PCDHGB7: variants seen among roughly 807,000 people sequenced by gnomAD.
PCDHGB7 encodes the protein protocadherin gamma subfamily B, 7, also known as protocadherin gamma-B7.
In PCDHGB7, 37 loss-of-function variants were observed where a neutral mutation model predicts 61.4. That is an observed-to-expected ratio of 0.60 (90% CI 0.46 to 0.79). PCDHGB7 has a LOEUF of 0.79. Among genes scored for constraint, PCDHGB7 ranks in the 30% least tolerant of loss-of-function variants. The pLI is 0.00. For synonymous variants in PCDHGB7, 464 were observed against 503.5 expected (o/e 0.92, Z 1.05); for missense variants, 1,166 against 1,202.5 (o/e 0.97, Z 0.45).
chr5:141,418,589 C>G lies in PCDHGB7; in HGVS notation c.730C>G (p.Gln244Glu), dbSNP rs184213052. ...CAATGACAACCCCCCAGTGTTCAGC[C>G]AGGACGTGTACAGGGTTAGCCTTCG... ...DANDNPPVFSQDVYRVSLRED... is the reference protein window; with the variant it reads ...DANDNPPVFSEDVYRVSLRED... Residue 244 changes from glutamine (Q) to glutamate (E), a missense_variant, in exon 1 of 4, where the codon CAG becomes GAG. Transcript: ENST00000398594. 5.5e-4 allele frequency: 884 copies of G among 1,614,012 alleles called. 4 individuals carry two copies. Among genetic ancestry groups the G allele is most frequent in the South Asian group, 4.0e-3 (361 of 91,086 alleles).
intron 1 of PCDHGB7, chr5:141,422,231 T>A: frequency 3.2e-6 from 5 of 1,566,292 alleles, no homozygotes; most frequent in Non-Finnish European, 4.3e-6. Context: ...ACGACGATGT[T>A]GATCACTGTT....
Position 141,485,950 on chromosome 5 carries a change from G to A in PCDHGB7, c.2416-8857G>A. ...TGTTGGAGAGCGCACCAGCGGGCAT[G>A]GTGCTCATCCAGCTCAATGCCTCAG... On this transcript the variant is annotated intron_variant, in intron 1 of 3. Transcript: ENST00000398594. The surrounding 1 kb of genome is among the most constrained non-coding windows in gnomAD (Gnocchi z 5.7). 6.2e-7 allele frequency: 1 copy of A among 1,614,184 alleles called. No individual in the cohort carries two copies. The highest frequency in any genetic ancestry group is 8.5e-7 in the Non-Finnish European group (1 of 1,180,030).
rs2099606506 is a variant in PCDHGB7 at position 141,485,072 on chromosome 5, G to A, written c.2416-9735G>A. ...CCGGCCGAACCGCGCCAGAGCTGGC[G>A]CGGGGAAAGGGAGATAGGTGTCTCC... On this transcript the variant is annotated intron_variant, in intron 1 of 3. Transcript: ENST00000398594. This position sits in a 1 kb window ranked among gnomAD's most constrained non-coding sequence, Gnocchi z 5.7. 2 of 916,892 alleles carry A rather than the reference G, an allele frequency of 2.2e-6. No homozygotes were observed. The highest frequency in any genetic ancestry group is 3.4e-6 in the Non-Finnish European group (2 of 587,886). The allele number at this position is 916,892 out of a possible 1,614,324, so 56.8% of individuals were successfully genotyped here.
At position 141,490,632 on chromosome 5, in the gene PCDHGB7, A is replaced by C; in HGVS notation, c.2416-4175A>C. Reference sequence around the variant, plus strand: ...AGCAGCTTTACACTGCTTACATCCTAGAAAACCGGCCTCCGGGCTCCCTTC... The same window carrying C: ...AGCAGCTTTACACTGCTTACATCCTCGAAAACCGGCCTCCGGGCTCCCTTC... On this transcript the variant is annotated intron_variant, in intron 1 of 3. Transcript: ENST00000398594. This position sits in a 1 kb window ranked among gnomAD's most constrained non-coding sequence, Gnocchi z 5.4. The C allele has an allele frequency of 1.2e-6, 2 of 1,614,196 alleles. No individual in the cohort carries two copies. Among genetic ancestry groups the C allele is most frequent in the South Asian group, 1.1e-5 (1 of 91,088 alleles).
rs549557253 is a variant in PCDHGB7 at position 141,503,310 on chromosome 5, T to C, written c.2475-2083T>C. 2.6e-5 allele frequency among the ~76,000 whole-genome samples: 4 copies of C among 152,176 alleles called. No homozygotes were observed. The East Asian group carries it at 7.7e-4, about 29-fold the overall frequency. On this transcript the variant is annotated intron_variant, in intron 2 of 3. Coordinates refer to ENST00000398594, the MANE Select transcript of PCDHGB7 (RefSeq NM_018927.4). ...TACATAGAAATTGCTCAAGAAAGAA[T>C]TGTTGGAGGGGCGCGGTGGCTCACG...
chr5:141,477,867 C>CGGT lies in PCDHGB7; in HGVS notation c.2416-16940_2416-16939insGGT. On this transcript the variant is annotated intron_variant, in intron 1 of 3. Transcript: ENST00000398594. This position sits in a 1 kb window ranked among gnomAD's most constrained non-coding sequence, Gnocchi z 4.9. ...TCGGTGGAGATGCTGCCTCGAGGTA[C>CGGT]CTCAGCTGGCCACCTAGTGTCACGG... 6.2e-7 allele frequency: 1 copy of CGGT among 1,613,614 alleles called. No homozygotes were observed. Among genetic ancestry groups the CGGT allele is most frequent in the Non-Finnish European group, 8.5e-7 (1 of 1,179,854 alleles).
intron 1 of PCDHGB7, among the ~76,000 whole-genome samples, chr5:141,494,341 G>C (rs565090556): frequency 9.2e-5 from 14 of 152,352 alleles, no homozygotes; most frequent in Admixed American, 9.1e-4. Context: ...ACCAAGAACA[G>C]CAGCCATCTT....
chr5:141,477,629 C>T lies in PCDHGB7; in HGVS notation c.2416-17178C>T, dbSNP rs1191573380. 6.2e-7 allele frequency: 1 copy of T among 1,614,158 alleles called. No homozygotes were observed. Reference sequence around the variant, plus strand: ...CTTGGAGCAAGGAGCTGAAACCGGGCTAGTGGGTCGCTATTTCACAATAAA... The same window carrying T: ...CTTGGAGCAAGGAGCTGAAACCGGGTTAGTGGGTCGCTATTTCACAATAAA... On this transcript the variant is annotated intron_variant, in intron 1 of 3. Coordinates refer to ENST00000398594, the MANE Select transcript of PCDHGB7 (RefSeq NM_018927.4). The surrounding 1 kb of genome is among the most constrained non-coding windows in gnomAD (Gnocchi z 4.9).
chr5:141,452,710 G>GAAGT (rs1343622540), intron 1 of PCDHGB7, among the ~76,000 whole-genome samples: 1 of 151,996 alleles, frequency 6.6e-6, no homozygotes, highest in Non-Finnish European at 1.5e-5. Flanking sequence ...AGAAAGGAAG[G>GAAGT]AATGAGGGAG....
At position 141,505,451 on chromosome 5, in the gene PCDHGB7, C is replaced by T. The variant is rs1350424069; in HGVS notation, c.2533C>T (p.Leu845=). Residue 845 remains leucine (L), a synonymous_variant, in exon 3 of 4, where the codon CTG becomes TTG. Transcript: ENST00000398594. The part of the protein sequence containing the change: ...WPNNQFDTEM[L]QAMILASASE... ...CAACAACCAGTTTGACACAGAGATG[C>T]TGCAAGCCATGATCTTGGCGTCCGC... The T allele has an allele frequency of 1.2e-6, 2 of 1,614,222 alleles. No individual in the cohort carries two copies. The highest frequency in any genetic ancestry group is 1.7e-6 in the Non-Finnish European group (2 of 1,180,048).
At chr5:141,427,777 C>A in intron 1 of PCDHGB7, 1 of 1,432,382 alleles carries the variant, frequency 7.0e-7, no homozygotes, top group Non-Finnish European at 9.7e-7. Flanking sequence ...GAGCTGCGGG[C>A]ACTGTCGTCC....
intron 1 of PCDHGB7, among the ~76,000 whole-genome samples, chr5:141,488,417 C>T (rs2099675171): frequency 6.6e-6 from 1 of 152,224 alleles, no homozygotes; most frequent in Non-Finnish European, 1.5e-5. Context: ...GCCAAGCCAT[C>T]CATGCTTGGC....
At chr5:141,463,460 T>TTC (rs573961569) in intron 1 of PCDHGB7, among the ~76,000 whole-genome samples, 28 of 136,126 alleles carry the variant, frequency 2.1e-4, no homozygotes, top group Admixed American at 4.4e-4. Context: ...TTTTTTTTTT[T>TTC]TTTTTTGAGA....
chr5:141,431,016 C>T lies in PCDHGB7; in HGVS notation c.2415+10742C>T, dbSNP rs755015257. Reference sequence around the variant, plus strand: ...AATCCGCGCAGCGGCAGCTTGGTCACGGCGGGCAGGATAGACCGGGAGGAG... The same window carrying T: ...AATCCGCGCAGCGGCAGCTTGGTCATGGCGGGCAGGATAGACCGGGAGGAG... On this transcript the variant is annotated intron_variant, in intron 1 of 3. Transcript: ENST00000398594. This position sits in a 1 kb window ranked among gnomAD's most constrained non-coding sequence, Gnocchi z 4.8. 3 of 1,613,456 alleles carry T rather than the reference C, an allele frequency of 1.9e-6. No individual in the cohort carries two copies. The highest frequency in any genetic ancestry group is 2.2e-5 in the South Asian group (2 of 91,058).
Position 141,419,939 on chromosome 5 carries a change from G to GTGGCCT in PCDHGB7, c.2089_2094dup (p.Ala697_Leu698dup), listed in dbSNP as rs780963377. On this transcript the variant is annotated inframe_insertion, in exon 1 of 4. Transcript: ENST00000398594. ...GGCTGAGATGCAGTTTTACCTGGTG[G>GTGGCCT]TGGCCTTGGCCTTGATTTCTGTGCT... The GTGGCCT allele has an allele frequency of 1.9e-6, 3 of 1,614,054 alleles. No individual in the cohort carries two copies. Among genetic ancestry groups the GTGGCCT allele is most frequent in the Admixed American group, 1.7e-5 (1 of 60,034 alleles).
intron 1 of PCDHGB7, among the ~76,000 whole-genome samples, chr5:141,461,001 A>G (rs1309762345): frequency 4.0e-5 from 6 of 150,320 alleles, no homozygotes; most frequent in South Asian, 4.2e-4. Context: ...ATATATGTGT[A>G]TATATATATA....
Position 141,476,702 on chromosome 5 carries a change from C to CTGG in PCDHGB7, c.2416-18102_2416-18100dup, listed in dbSNP as rs1562056101. On this transcript the variant is annotated intron_variant, in intron 1 of 3. Coordinates refer to ENST00000398594, the MANE Select transcript of PCDHGB7 (RefSeq NM_018927.4). This position sits in a 1 kb window ranked among gnomAD's most constrained non-coding sequence, Gnocchi z 7.6. ...GGAGGACAGCACCAAGTACGCGGAG[C>CTGG]TGGTGTTGGAGCGCGCCCTGGACCG... 5 of 1,614,222 alleles carry CTGG rather than the reference C, an allele frequency of 3.1e-6. No homozygotes were observed. The highest frequency in any genetic ancestry group is 4.2e-6 in the Non-Finnish European group (5 of 1,180,042).
At position 141,487,636 on chromosome 5, in the gene PCDHGB7, A is replaced by G. The variant is rs780468230; in HGVS notation, c.2416-7171A>G. 3 of 1,614,192 alleles carry G rather than the reference A, an allele frequency of 1.9e-6. No homozygotes were observed. Among genetic ancestry groups the G allele is most frequent in the Non-Finnish European group, 1.7e-6 (2 of 1,180,030 alleles). Reference sequence around the variant, plus strand: ...TAGAGGTGAGACCTTTGCAGGCTCAACAAATGCTTGAGGGTTATTCTGATC... The same window carrying G: ...TAGAGGTGAGACCTTTGCAGGCTCAGCAAATGCTTGAGGGTTATTCTGATC... On this transcript the variant is annotated intron_variant, in intron 1 of 3. Transcript: ENST00000398594. This position sits in a 1 kb window ranked among gnomAD's most constrained non-coding sequence, Gnocchi z 5.0.
Position 141,476,278 on chromosome 5 carries a change from T to C in PCDHGB7, c.2416-18529T>C, listed in dbSNP as rs746655724. On this transcript the variant is annotated intron_variant, in intron 1 of 3. Transcript: ENST00000398594. The surrounding 1 kb of genome is among the most constrained non-coding windows in gnomAD (Gnocchi z 7.6). ...CTGTGGGCAACGTGGTCGCGAACCTTGGTTTGGATCTCGGTAGCCTCTCAG... is the reference window on the plus strand; with the variant it reads ...CTGTGGGCAACGTGGTCGCGAACCTCGGTTTGGATCTCGGTAGCCTCTCAG... The C allele has an allele frequency of 3.2e-5, 52 of 1,613,758 alleles. No homozygotes were observed. Among genetic ancestry groups the C allele is most frequent in the Non-Finnish European group, 4.2e-5 (49 of 1,179,958 alleles).
Sources: allele counts gnomAD v4.1 joint callset (sites outside exome capture counted in the v4.1 genomes callset), GRCh38; gene constraint gnomAD v4.1.1; non-coding constraint Gnocchi (gnomAD v3.1); transcripts MANE v1.5; gene names NCBI Gene and HGNC (gene_info 2026-07-23, HGNC 2026-07-21).